CDKN2B-AS1: variants seen among roughly 807,000 people sequenced by gnomAD.
CDKN2B-AS1 encodes the protein CDKN2B antisense RNA 1 (non-protein coding).
At position 22,055,972 on chromosome 9, in the gene CDKN2B-AS1, A is replaced by G. The variant is rs189777832; in HGVS notation, n.303-280A>G. Reference sequence around the variant, plus strand: ...AGTATGGAGGAAGAAAGCATATTTTATTAGTGGAGCTAGGAAATACGTTAC... The same window carrying G: ...AGTATGGAGGAAGAAAGCATATTTTGTTAGTGGAGCTAGGAAATACGTTAC... On this transcript the variant is annotated intron_variant and non_coding_transcript_variant, in intron 3 of 4. Coordinates refer to ENST00000650946, the Ensembl canonical transcript of CDKN2B-AS1. 3.0e-3 allele frequency among the ~76,000 whole-genome samples: 459 copies of G among 152,068 alleles called. 3 individuals are homozygous for G. Among genetic ancestry groups the G allele is most frequent in the African/African-American group, 0.01 (434 of 41,502 alleles).
intron 1 of CDKN2B-AS1, chr9:22,012,485 C>T (rs992019432): frequency 2.5e-5 from 17 of 680,090 alleles, no homozygotes; most frequent in African/African-American, 8.8e-5. Flanking sequence ...TGTCAATTGC[C>T]GCAAGAAGAA....
chr9:22,128,027 T>C (rs552226183), exon 5 of CDKN2B-AS1, among the ~76,000 whole-genome samples: 1 of 152,314 alleles, frequency 6.6e-6, no homozygotes, highest in East Asian at 1.9e-4. Flanking sequence ...AAAATGATGA[T>C]CATACTAACT....
intron 1 of CDKN2B-AS1, chr9:22,008,598 T>G (rs1199253667): frequency 6.7e-7 from 1 of 1,493,442 alleles, no homozygotes; most frequent in Non-Finnish European, 9.0e-7. Context: ...TAAAAAAAGC[T>G]TAAACAGTGG....
In CDKN2B-AS1 at chr9:21,995,803, G is replaced by T. The variant is rs1187949054; in HGVS notation, n.29+642G>T. The T allele has an allele frequency of 6.6e-6, 1 of 152,304 alleles. No individual in the cohort carries two copies. Among genetic ancestry groups the T allele is most frequent in the Admixed American group, 6.5e-5 (1 of 15,284 alleles). 9.4% of individuals were successfully genotyped at this position (152,304 alleles called of 1,614,324 possible). ...GGGCTCGCCGGCTCTCCGCGCGCGG[G>T]AAGTCGAGCCCAGGACGCCGCCTTC... is the stretch of plus-strand genomic sequence containing the variant. On this transcript the variant is annotated intron_variant and non_coding_transcript_variant, in intron 1 of 4. Coordinates refer to ENST00000650946, the Ensembl canonical transcript of CDKN2B-AS1. The surrounding 1 kb of genome is among the most constrained non-coding windows in gnomAD (Gnocchi z 5.7).
chr9:22,099,126 A>G (rs1245637049), intron 4 of CDKN2B-AS1, among the ~76,000 whole-genome samples: 1 of 152,226 alleles, frequency 6.6e-6, no homozygotes, highest in Non-Finnish European at 1.5e-5. Flanking sequence ...GTATTTAGCC[A>G]GGAGGAAAGG....
intron 4 of CDKN2B-AS1, among the ~76,000 whole-genome samples, chr9:22,060,195 G>C (rs957354460): frequency 6.6e-6 from 1 of 152,164 alleles, no homozygotes; most frequent in African/African-American, 2.4e-5. Context: ...GCATAGTCAG[G>C]CTGCAAATTT....
chr9:22,089,339 A>T (rs1238062644), intron 4 of CDKN2B-AS1, among the ~76,000 whole-genome samples: 1 of 152,252 alleles, frequency 6.6e-6, no homozygotes, highest in Non-Finnish European at 1.5e-5. Context: ...TATTTACATA[A>T]CAAATGTTAA....
rs1822803955 is a variant in CDKN2B-AS1, at chr9:22,039,114, C to A, written n.30-7637C>A. Among the ~76,000 whole-genome samples the A allele has an allele frequency of 6.6e-6, 1 of 151,766 alleles. No homozygotes were observed. Among genetic ancestry groups the A allele is most frequent in the Admixed American group, 6.6e-5 (1 of 15,214 alleles). On this transcript the variant is annotated intron_variant and non_coding_transcript_variant, in intron 1 of 4. Transcript: ENST00000650946. The surrounding 1 kb of genome is among the most constrained non-coding windows in gnomAD (Gnocchi z 4.4). Reference sequence around the variant, plus strand: ...ACTAAATAACTCTAGGGAACAGTACCTTAAAAATATTCAAAATGACAAAAA... The same window carrying A: ...ACTAAATAACTCTAGGGAACAGTACATTAAAAATATTCAAAATGACAAAAA...
chr9:22,073,339 A>G (rs556799016), intron 4 of CDKN2B-AS1, among the ~76,000 whole-genome samples: 4 of 152,322 alleles, frequency 2.6e-5, no homozygotes, highest in Admixed American at 2.6e-4. Flanking sequence ...CATGTGTCCA[A>G]CCATAACTGA....
chr9:22,020,454 C>G (rs757743430), intron 1 of CDKN2B-AS1, among the ~76,000 whole-genome samples: 26 of 152,202 alleles, frequency 1.7e-4, no homozygotes, highest in Non-Finnish European at 3.2e-4. Context: ...AATCATCGCA[C>G]AGTCCCCCAC....
chr9:22,037,529 C>T (rs1822738402), intron 1 of CDKN2B-AS1, among the ~76,000 whole-genome samples: 1 of 152,024 alleles, frequency 6.6e-6, no homozygotes, highest in Non-Finnish European at 1.5e-5. Flanking sequence ...TACTTATCTC[C>T]TCTTACTTCT....
At chr9:22,072,999 C>A (rs992773354) in intron 4 of CDKN2B-AS1, among the ~76,000 whole-genome samples, 1 of 152,094 alleles carries the variant, frequency 6.6e-6, no homozygotes, top group South Asian at 2.1e-4. Context: ...TATTATGGCA[C>A]AATTGATGTT....
intron 4 of CDKN2B-AS1, among the ~76,000 whole-genome samples, chr9:22,072,671 T>A (rs1434425525): frequency 2.6e-5 from 4 of 152,234 alleles, no homozygotes; most frequent in Admixed American, 2.6e-4. Context: ...CCTTGGACCA[T>A]GTTTTAGTGA....
chr9:22,046,337 G>C (rs1334402039), intron 1 of CDKN2B-AS1: 1 of 152,066 alleles, frequency 6.6e-6, no homozygotes, highest in Non-Finnish European at 1.5e-5. Flanking sequence ...ACCACAGAAA[G>C]AGAGAAGTTA....
chr9:22,075,428 C>T (rs1048252980), intron 4 of CDKN2B-AS1, among the ~76,000 whole-genome samples: 4 of 152,084 alleles, frequency 2.6e-5, no homozygotes, highest in Non-Finnish European at 4.4e-5. Flanking sequence ...TGAGACTCAG[C>T]GATTGGGATG....
chr9:22,074,406 T>C (rs1244616103), intron 4 of CDKN2B-AS1, among the ~76,000 whole-genome samples: 1 of 152,170 alleles, frequency 6.6e-6, no homozygotes, highest in Admixed American at 6.5e-5. Flanking sequence ...TATAAAACTA[T>C]CACCACATAA....
At chr9:22,104,982 A>G (rs993959733) in intron 4 of CDKN2B-AS1, among the ~76,000 whole-genome samples, 11 of 152,194 alleles carry the variant, frequency 7.2e-5, no homozygotes, top group Admixed American at 5.2e-4. Flanking sequence ...ATAGGGGTCT[A>G]TAGAGGTTAA....
chr9:22,084,688 G>C (rs1221326062), intron 4 of CDKN2B-AS1, among the ~76,000 whole-genome samples: 2 of 152,290 alleles, frequency 1.3e-5, no homozygotes, highest in East Asian at 3.9e-4. Context: ...GGTAATCCCA[G>C]ATTGAAAATA....
At chr9:22,059,765 G>A (rs1395867262) in intron 4 of CDKN2B-AS1, among the ~76,000 whole-genome samples, 3 of 152,226 alleles carry the variant, frequency 2.0e-5, no homozygotes, top group Admixed American at 6.5e-5. Context: ...GGGCATTCAG[G>A]CATTTCCATA....
Sources: allele counts gnomAD v4.1 joint callset (sites outside exome capture counted in the v4.1 genomes callset), GRCh38; gene constraint gnomAD v4.1.1; non-coding constraint Gnocchi (gnomAD v3.1); transcripts MANE v1.5; gene names NCBI Gene and HGNC (gene_info 2026-07-23, HGNC 2026-07-21).